ADGRE2: variants seen among roughly 807,000 people sequenced by gnomAD.
The protein encoded by ADGRE2 is adhesion G protein-coupled receptor E2.
ADGRE2 carries 83 observed loss-of-function variants against 100.8 expected under a neutral mutation model. The ratio of observed to expected loss-of-function variants is 0.82; its 90% CI spans 0.69 to 0.99. ADGRE2 has a LOEUF of 0.99. Among genes scored for constraint, ADGRE2 ranks in the 50% least tolerant of loss-of-function variants. The pLI is 0.00. For missense variants in ADGRE2, 814 were observed against 1,035.7 expected, an observed-to-expected ratio of 0.79 and a Z score of 2.94; for synonymous variants, 355 against 413.0, an observed-to-expected ratio of 0.86 and a Z score of 1.70.
At chr19:14,755,290 A>AAAAAAC (rs1568599134) in intron 13 of ADGRE2, among the ~76,000 whole-genome samples, 163 bp from the exon 14 acceptor site, 2 of 31,336 alleles carry the variant, frequency 6.4e-5, no homozygotes, top group African/African-American at 1.7e-4. Context: ...AAAAAAAAAA[A>AAAAAAC]AAAAATACAA....
chr19:14,754,842 G>C, intron 14 of ADGRE2, 112 bp downstream of exon 14: 2 of 1,202,430 alleles, frequency 1.7e-6, no homozygotes, highest in Non-Finnish European at 2.3e-6. Flanking sequence ...ATGCCAGCTT[G>C]CTGACCCAGA....
rs537900231 is a variant in ADGRE2 at position 14,776,093 on chromosome 19, C to T, written c.31+633G>A. Among the ~76,000 whole-genome samples, 19 of 152,200 alleles carry T rather than the reference C, an allele frequency of 1.2e-4. No homozygotes were observed. In the East Asian group the frequency reaches 1.9e-3, roughly 16 times the overall value. ...GCGGTTCCCAGCACTCAGGAAGTTC[C>T]CCTTTCCAAGGCATGTCCTGGGGGA... On this transcript the variant is annotated intron_variant, in intron 2 of 20. Coordinates refer to ENST00000315576, the MANE Select transcript of ADGRE2 (RefSeq NM_013447.4).
chr19:14,772,176 G>A lies in ADGRE2; in HGVS notation c.355+166C>T, dbSNP rs1482961599. 16 of 968,356 alleles carry A rather than the reference G, an allele frequency of 1.7e-5. No homozygotes were observed. The Middle Eastern group carries it at 1.2e-3, about 70-fold the overall frequency. 60.0% of individuals were successfully genotyped at this position (968,356 alleles called of 1,614,324 possible). On this transcript the variant is annotated intron_variant, in intron 5 of 20. Transcript: ENST00000315576. ...AGTTTTCCCTTGGCCTTCACACCAC[G>A]CTGCCTCTCTGGGCTGGCGAAACAG...
In ADGRE2 at chr19:14,751,321, G is replaced by A. The variant is rs549687894; in HGVS notation, c.2024+115C>T. On this transcript the variant is annotated intron_variant, in intron 16 of 20. Coordinates refer to ENST00000315576, the MANE Select transcript of ADGRE2 (RefSeq NM_013447.4). Reference sequence around the variant, plus strand: ...GCTGCAGTGTAATCCAACCAATAGAGCCTAAAATCCCTACTGATCTAATTA... The same window carrying A: ...GCTGCAGTGTAATCCAACCAATAGAACCTAAAATCCCTACTGATCTAATTA... 86 of 712,552 alleles carry A rather than the reference G, an allele frequency of 1.2e-4. 1 individual carries two copies. Among genetic ancestry groups the A allele is most frequent in the Non-Finnish European group, 2.0e-4 (83 of 408,300 alleles). 44.1% of individuals were successfully genotyped at this position (712,552 alleles called of 1,614,324 possible). A position where few individuals can be genotyped will look rare whatever the true frequency, so the allele number is the denominator to read the frequency against.
chr19:14,761,274 C>T (rs752534651), intron 11 of ADGRE2, among the ~76,000 whole-genome samples: 8 of 152,070 alleles, frequency 5.3e-5, no homozygotes, highest in South Asian at 2.1e-4. Flanking sequence ...GGCGTGGTGG[C>T]GGGCGCCTGT....
chr19:14,756,440 A>G, intron 11 of ADGRE2, 95 bp from the exon 12 acceptor site: 2 of 769,028 alleles, frequency 2.6e-6, no homozygotes, highest in South Asian at 3.0e-5. Flanking sequence ...CTATATACAT[A>G]TATAGTCTGA....
intron 16 of ADGRE2, among the ~76,000 whole-genome samples, chr19:14,747,739 CAGAG>C (rs771295783): frequency 2.6e-5 from 4 of 152,104 alleles, no homozygotes; most frequent in Admixed American, 6.6e-5. Context: ...ACCCAGGAAG[CAGAG>C]AGCAGAGGTT....
chr19:14,729,469 C>T (rs1244822450), downstream of ADGRE2, among the ~76,000 whole-genome samples: 1 of 152,044 alleles, frequency 6.6e-6, no homozygotes, highest in Non-Finnish European at 1.5e-5. Context: ...AGTGATCCTT[C>T]CTCCTCAGCC....
At chr19:14,763,337 T>C (rs1308996870) in intron 11 of ADGRE2, among the ~76,000 whole-genome samples, 1 of 151,736 alleles carries the variant, frequency 6.6e-6, no homozygotes, top group African/African-American at 2.4e-5. Flanking sequence ...AGTGAGACTC[T>C]GTCTCAAAAA....
At chr19:14,777,153 C>T (rs2044474862) in intron 1 of ADGRE2, 48 of 959,000 alleles carry the variant, frequency 5.0e-5, no homozygotes, top group South Asian at 3.4e-4. Flanking sequence ...GTGTGGCAGC[C>T]GGGCGGGGCG....
rs145413026 is a variant in ADGRE2 at position 14,767,138 on chromosome 19, G to A, written c.356-29C>T. 82 of 1,603,218 alleles carry A rather than the reference G, an allele frequency of 5.1e-5. 1 individual carries two copies. In the African/African-American group the frequency reaches 1.0e-3, roughly 20 times the overall value. On this transcript the variant is annotated intron_variant, in intron 5 of 20. Coordinates refer to ENST00000315576, the MANE Select transcript of ADGRE2 (RefSeq NM_013447.4). ...CAAGAGGAAGGAGAGGGTGAAGAAT[G>A]CCCGTAGCTGTGAGCAGCTTTCGGG... is the stretch of plus-strand genomic sequence containing the variant.
chr19:14,772,352 G>T lies in ADGRE2; in HGVS notation c.345C>A (p.Asn115Lys). 1 of 1,614,124 alleles carries T rather than the reference G, an allele frequency of 6.2e-7. No homozygotes were observed. The highest frequency in any genetic ancestry group is 1.1e-5 in the South Asian group (1 of 91,082). Residue 115 changes from asparagine to lysine, a missense_variant, in exon 5 of 21, where the codon AAC (asparagine) becomes AAA (lysine). Transcript: ENST00000315576. ...GAKTFKNESE[N>K]TCQDVDECQQ... The stretch of plus-strand genomic sequence containing the variant: ...TGGGGTGGTTCTTACCTTGACACGT[G>T]TTCTCGCTCTCATTCTTGAATGTTT...
chr19:14,730,870 C>G (rs1191184234), downstream of ADGRE2, among the ~76,000 whole-genome samples: 2 of 151,526 alleles, frequency 1.3e-5, no homozygotes, highest in Non-Finnish European at 2.9e-5. Flanking sequence ...TCACGTGTAC[C>G]CAATATTTAG....
At position 14,734,075 on chromosome 19, in the gene ADGRE2, T is replaced by G. The variant is rs1437933551; in HGVS notation, c.*2161A>C. 1.3e-5 allele frequency: 2 copies of G among 152,042 alleles called. No individual in the cohort carries two copies. The highest frequency in any genetic ancestry group is 2.9e-5 in the Non-Finnish European group (2 of 68,018). 9.4% of individuals were successfully genotyped at this position (152,042 alleles called of 1,614,324 possible). On this transcript the variant is annotated 3_prime_UTR_variant, in exon 21 of 21. Coordinates refer to ENST00000315576, the MANE Select transcript of ADGRE2 (RefSeq NM_013447.4). ...TTCTTATAAAAAGGTGCCCAGAGGA[T>G]GGAGATGGTAGGTAGTGTAGGGCAG... is the stretch of plus-strand genomic sequence containing the variant.
At chr19:14,754,385 G>T (rs897071754) in intron 14 of ADGRE2, among the ~76,000 whole-genome samples, 3 of 151,186 alleles carry the variant, frequency 2.0e-5, no homozygotes, top group Non-Finnish European at 4.4e-5. Context: ...TCTTAATCTG[G>T]GTGGGCACCA....
intron 4 of ADGRE2, among the ~76,000 whole-genome samples, chr19:14,773,628 C>T (rs2044306301): frequency 6.6e-6 from 1 of 152,026 alleles, no homozygotes. Flanking sequence ...CCTCCCGCCT[C>T]AGTCTTCTGA....
At position 14,751,912 on chromosome 19, in the gene ADGRE2, CAT is replaced by C. The variant is rs1259908615; in HGVS notation, c.1789-243_1789-242del. Among the ~76,000 whole-genome samples the C allele has an allele frequency of 7.1e-3, 672 of 94,916 alleles. 4 individuals are homozygous for C. The highest frequency in any genetic ancestry group is 0.026 in the Middle Eastern group (5 of 192). The allele number at this position is 94,916 out of a possible 152,430, so 62.3% of individuals were successfully genotyped here. A position where few individuals can be genotyped will look rare whatever the true frequency, so the allele number is the denominator to read the frequency against. ...ACGTATACACACACACACACACACA[CAT>C]ATATATATATATATATATTTTTTTT... On this transcript the variant is annotated intron_variant, in intron 15 of 20. Transcript: ENST00000315576.
At chr19:14,758,753 T>C (rs1301898854) in intron 11 of ADGRE2, among the ~76,000 whole-genome samples, 1 of 151,634 alleles carries the variant, frequency 6.6e-6, no homozygotes, top group East Asian at 1.9e-4. Context: ...GGCATGGTGG[T>C]GGGCGCCTGT....
At position 14,766,252 on chromosome 19, in the gene ADGRE2, T is replaced by C. The variant is rs2043969793; in HGVS notation, c.617A>G (p.Asn206Ser). 3 of 1,614,060 alleles carry C rather than the reference T, an allele frequency of 1.9e-6. No individual in the cohort carries two copies. The East Asian group carries it at 6.7e-5, about 36-fold the overall frequency. ...CTCTCGACCTTCACAGACGGTATTG[T>C]TTGGGCCATTGGGGGACCCCGGAAT... ...QPIPGSPNGP[N>S]NTVCEDVDEC... The change falls in exon 7 of 21, where the codon AAC becomes AGC. Residue 206 changes from asparagine (N) to serine (S), a missense_variant. Coordinates refer to ENST00000315576, the MANE Select transcript of ADGRE2 (RefSeq NM_013447.4).
Sources: gnomAD v4.1 joint callset for allele counts (sites outside exome capture counted in the v4.1 genomes callset) on GRCh38, gnomAD v4.1.1 for gene constraint, MANE v1.5 for transcripts, NCBI Gene and HGNC (gene_info 2026-07-23, HGNC 2026-07-21) for gene names.